Variants in CORO2A observed in about 807,000 individuals in gnomAD.
CORO2A encodes coronin 2A.
A neutral mutation model predicts 62.4 loss-of-function variants in CORO2A; 47 were observed. The observed-to-expected ratio is 0.75, with a 90% CI of 0.60 to 0.96. The LOEUF (loss-of-function observed/expected upper bound fraction) is 0.96. Among genes scored for constraint, CORO2A ranks in the 40% least tolerant of loss-of-function variants. The pLI, the probability that CORO2A is intolerant of heterozygous loss-of-function variation, is 0.00. For synonymous variants in CORO2A, 273 were observed against 268.9 expected (o/e 1.02, Z -0.15); for missense variants, 610 against 684.1 (o/e 0.89, Z 1.21).
chr9:98,179,249 G>A (rs552341066), intron 1 of CORO2A, among the ~76,000 whole-genome samples: 12 of 152,184 alleles, frequency 7.9e-5, no homozygotes, highest in African/African-American at 2.4e-4. Context: ...ATCTGGGACC[G>A]CTAGAGCATG....
chr9:98,126,527 C>T (rs1587989264), intron 11 of CORO2A, 22 bp downstream of exon 11: 9 of 1,603,000 alleles, frequency 5.6e-6, no homozygotes, highest in Non-Finnish European at 6.8e-6. Flanking sequence ...ATGTGAAAGG[C>T]CCACCCCGTC....
rs1827251640 is a variant in CORO2A, at chr9:98,122,103, G to A, written c.*2671C>T. 6.6e-6 allele frequency: 1 copy of A among 152,246 alleles called. No individual in the cohort carries two copies. Among genetic ancestry groups the A allele is most frequent in the South Asian group, 2.1e-4 (1 of 4,818 alleles). The allele number at this position is 152,246 out of a possible 1,614,324, so 9.4% of individuals were successfully genotyped here. ...AGCTGCGGTTCCCAGAGATGTTGAGGGAGGGCTTGGGGCAACACTTCTGGA... is the reference window on the plus strand; with the variant it reads ...AGCTGCGGTTCCCAGAGATGTTGAGAGAGGGCTTGGGGCAACACTTCTGGA... On this transcript the variant is annotated 3_prime_UTR_variant, in exon 12 of 12. Coordinates refer to ENST00000375077, the MANE Select transcript of CORO2A (RefSeq NM_052820.4).
intron 2 of CORO2A, among the ~76,000 whole-genome samples, chr9:98,155,316 T>C (rs184622322): frequency 2.1e-4 from 32 of 152,066 alleles, no homozygotes; most frequent in East Asian, 1.4e-3. Flanking sequence ...TTTGCTATTT[T>C]CTTTAAGGGA....
chr9:98,167,954 G>A (rs1183591855), intron 1 of CORO2A, among the ~76,000 whole-genome samples: 2 of 152,160 alleles, frequency 1.3e-5, no homozygotes, highest in Admixed American at 1.3e-4. Context: ...AATTTTGTAT[G>A]TGTCTTTAAA....
At chr9:98,168,423 T>C (rs1417461683) in intron 1 of CORO2A, among the ~76,000 whole-genome samples, 1 of 152,222 alleles carries the variant, frequency 6.6e-6, no homozygotes, top group East Asian at 1.9e-4. Context: ...ATGTTCCACA[T>C]ACCAACTCAA....
chr9:98,179,242 T>C (rs1284971568), intron 1 of CORO2A, among the ~76,000 whole-genome samples: 1 of 152,220 alleles, frequency 6.6e-6, no homozygotes, highest in African/African-American at 2.4e-5. Context: ...GTCTGAGATC[T>C]GGGACCGCTA....
At chr9:98,171,025 C>T (rs1828027091) in intron 1 of CORO2A, among the ~76,000 whole-genome samples, 1 of 152,194 alleles carries the variant, frequency 6.6e-6, no homozygotes, top group African/African-American at 2.4e-5. Context: ...AAATCAAGCC[C>T]TGACCAAAAC....
At position 98,153,193 on chromosome 9, in the gene CORO2A, G is replaced by A. The variant is rs149006022; in HGVS notation, c.201+4267C>T. Among the ~76,000 whole-genome samples the A allele has an allele frequency of 7.0e-3, 1,058 of 152,020 alleles. 9 individuals carry two copies. The highest frequency in any genetic ancestry group is 0.023 in the African/African-American group (953 of 41,452). On this transcript the variant is annotated intron_variant, in intron 2 of 11. Coordinates refer to ENST00000375077, the MANE Select transcript of CORO2A (RefSeq NM_052820.4). ...CAGCTCATTGCAACCCCTGCCTCCC[G>A]GGTTCAAGTGATTCTCCTGCCTCAG...
At chr9:98,189,658 G>A (rs10985360) in intron 1 of CORO2A, among the ~76,000 whole-genome samples, 24,270 of 152,040 alleles carry the variant, frequency 0.16, 2,085 homozygotes, top group South Asian at 0.21. Flanking sequence ...AGAGGGGAAC[G>A]GATCGGCCCA....
chr9:98,180,021 C>CAA (rs1181194464), intron 1 of CORO2A, among the ~76,000 whole-genome samples: 7 of 151,930 alleles, frequency 4.6e-5, no homozygotes, highest in Non-Finnish European at 1.0e-4. Context: ...CAAAACAAAA[C>CAA]AAAACAGCAA....
intron 1 of CORO2A, among the ~76,000 whole-genome samples, chr9:98,166,326 T>C (rs564396465): frequency 2.7e-4 from 41 of 152,202 alleles, no homozygotes; most frequent in African/African-American, 9.6e-4. Flanking sequence ...TTGGTTATGA[T>C]ACCAGGAACA....
intron 1 of CORO2A, among the ~76,000 whole-genome samples, chr9:98,168,395 A>G (rs4743177): frequency 0.47 from 71,147 of 151,718 alleles, 16,819 homozygotes; most frequent in African/African-American, 0.52. Context: ...CGCCTATATT[A>G]CTGACTAGGT....
chr9:98,165,010 C>G (rs999140285), intron 1 of CORO2A, among the ~76,000 whole-genome samples: 3 of 152,100 alleles, frequency 2.0e-5, no homozygotes, highest in African/African-American at 7.2e-5. Flanking sequence ...ACTTTGCTAC[C>G]CAGGCTGGAG....
intron 1 of CORO2A, among the ~76,000 whole-genome samples, chr9:98,174,208 G>T (rs1342368692): frequency 6.7e-6 from 1 of 148,636 alleles, no homozygotes; most frequent in African/African-American, 2.5e-5. Context: ...GTAGCAACCA[G>T]TGGGCCAAGG....
At chr9:98,177,197 G>C (rs1828119488) in intron 1 of CORO2A, among the ~76,000 whole-genome samples, 1 of 152,160 alleles carries the variant, frequency 6.6e-6, no homozygotes. Flanking sequence ...GGCCGGCAGA[G>C]CATCAGCAGC....
intron 2 of CORO2A, among the ~76,000 whole-genome samples, chr9:98,154,516 TAGG>T (rs1487619612): frequency 6.6e-6 from 1 of 151,908 alleles, no homozygotes; most frequent in Non-Finnish European, 1.5e-5. Flanking sequence ...TACTAGCACA[TAGG>T]AGGTCTCCCA....
chr9:98,189,678 A>G, intron 1 of CORO2A, among the ~76,000 whole-genome samples: 1 of 150,114 alleles, frequency 6.7e-6, no homozygotes. Context: ...AAGGTCACAC[A>G]GTAGGGAAGA....
intron 6 of CORO2A, 21 bp from the exon 7 acceptor site, chr9:98,131,080 G>A: frequency 6.4e-7 from 1 of 1,566,730 alleles, no homozygotes; most frequent in South Asian, 1.1e-5. Flanking sequence ...AGGGGAGGCA[G>A]GGAAGGCCTG....
At chr9:98,186,363 AG>A (rs1828239108) in intron 1 of CORO2A, among the ~76,000 whole-genome samples, 1 of 152,202 alleles carries the variant, frequency 6.6e-6, no homozygotes, top group Non-Finnish European at 1.5e-5. Context: ...TACAGGCAGC[AG>A]GGGAAGGTGA....
Sources: allele counts gnomAD v4.1 joint callset (sites outside exome capture counted in the v4.1 genomes callset), GRCh38; gene constraint gnomAD v4.1.1; transcripts MANE v1.5; gene names NCBI Gene and HGNC (gene_info 2026-07-23, HGNC 2026-07-21).